Variants in CACNG3 observed in about 807,000 individuals in gnomAD.
CACNG3 encodes the protein voltage-dependent calcium channel gamma-3 subunit.
CACNG3 carries 3 observed loss-of-function variants against 28.5 expected under a neutral mutation model. The ratio of observed to expected loss-of-function variants is 0.11; its 90% CI spans 0.05 to 0.27. The LOEUF is 0.27. CACNG3 is among the 10% of genes least tolerant of loss of function. CACNG3 has a pLI of 1.00. For synonymous variants in CACNG3, 174 were observed against 162.2 expected (o/e 1.07, Z -0.55); for missense variants, 236 against 414.4 (o/e 0.57, Z 3.74).
chr16:24,275,577 G>C (rs901346791), intron 1 of CACNG3, among the ~76,000 whole-genome samples: 1 of 152,168 alleles, frequency 6.6e-6, no homozygotes, highest in African/African-American at 2.4e-5. Flanking sequence ...ATATTTACTT[G>C]AAAGAATGAC....
At chr16:24,271,019 G>A (rs1163135935) in intron 1 of CACNG3, among the ~76,000 whole-genome samples, 3 of 152,162 alleles carry the variant, frequency 2.0e-5, no homozygotes, top group African/African-American at 7.2e-5. Context: ...AAGCAGATCA[G>A]TTTAGGATAG....
intron 1 of CACNG3, among the ~76,000 whole-genome samples, chr16:24,331,950 T>TG (rs1442851244): frequency 2.6e-5 from 4 of 152,150 alleles, no homozygotes; most frequent in African/African-American, 9.6e-5. Flanking sequence ...CCCAATCACA[T>TG]TCTCTCCAGG....
At position 24,299,520 on chromosome 16, in the gene CACNG3, A is replaced by G. The variant is rs535800105; in HGVS notation, c.211+42555A>G. On this transcript the variant is annotated intron_variant, in intron 1 of 3. Transcript: ENST00000005284. ...TGACTGGAGAATGGTATTAGAAACC[A>G]AGATCTGAGTGCTGGGTGTGCTCAT... Among the ~76,000 whole-genome samples, 3 of 152,196 alleles carry G rather than the reference A, an allele frequency of 2.0e-5. No homozygotes were observed. The South Asian group carries it at 6.2e-4, about 32-fold the overall frequency.
Position 24,263,955 on chromosome 16 carries a change from GATT to G in CACNG3, c.211+6991_211+6993del, listed in dbSNP as rs373574534. Among the ~76,000 whole-genome samples, 1,082 of 152,370 alleles carry G rather than the reference GATT, an allele frequency of 7.1e-3. 11 individuals are homozygous for G. Among genetic ancestry groups the G allele is most frequent in the African/African-American group, 0.024 (1,014 of 41,586 alleles). ...AATCATTCATAATGATTGAGTGCTG[GATT>G]GGACACTTGCTTAAGCAGCATGGCT... On this transcript the variant is annotated intron_variant, in intron 1 of 3. Transcript: ENST00000005284.
chr16:24,258,260 C>T (rs146493004), intron 1 of CACNG3, among the ~76,000 whole-genome samples: 2 of 152,332 alleles, frequency 1.3e-5, no homozygotes, highest in Admixed American at 1.3e-4. Flanking sequence ...CATGTCCTGA[C>T]ACTTTGAACA....
intron 1 of CACNG3, among the ~76,000 whole-genome samples, chr16:24,345,559 G>T (rs935373204): frequency 1.3e-5 from 2 of 152,172 alleles, no homozygotes; most frequent in African/African-American, 2.4e-5. Context: ...AATTAGCCGG[G>T]CATGGTGGCA....
chr16:24,293,198 C>G (rs1273342105), intron 1 of CACNG3, among the ~76,000 whole-genome samples: 1 of 152,194 alleles, frequency 6.6e-6, no homozygotes, highest in African/African-American at 2.4e-5. Context: ...TTGGAAGAGC[C>G]AGAAGCTTAG....
At chr16:24,290,687 C>A (rs373127769) in intron 1 of CACNG3, among the ~76,000 whole-genome samples, 2 of 152,280 alleles carry the variant, frequency 1.3e-5, no homozygotes, top group South Asian at 2.1e-4. Context: ...GGTGTACCTA[C>A]CTTGGCCTCC....
At chr16:24,276,046 C>G (rs998898554) in intron 1 of CACNG3, among the ~76,000 whole-genome samples, 4 of 152,260 alleles carry the variant, frequency 2.6e-5, no homozygotes, top group African/African-American at 9.6e-5. Flanking sequence ...AAAAGCTATT[C>G]AAATACTGCT....
intron 1 of CACNG3, among the ~76,000 whole-genome samples, chr16:24,284,496 C>CT (rs2141352631): frequency 6.6e-6 from 1 of 152,188 alleles, no homozygotes; most frequent in African/African-American, 2.4e-5. Context: ...CCAAATCTGT[C>CT]TTTTTTCTTC....
rs1165699005 is a variant in CACNG3 at position 24,265,550 on chromosome 16, G to GTA, written c.211+8595_211+8596dup. Among the ~76,000 whole-genome samples the GTA allele has an allele frequency of 2.4e-4, 36 of 152,016 alleles. 1 individual carries two copies. Among genetic ancestry groups the GTA allele is most frequent in the Admixed American group, 5.2e-4 (8 of 15,262 alleles). ...AAAGCAAGCTAGCTCACTCAGTGGT[G>GTA]TATATATATATTATGATGTGTAGCT... On this transcript the variant is annotated intron_variant, in intron 1 of 3. Transcript: ENST00000005284.
intron 1 of CACNG3, among the ~76,000 whole-genome samples, chr16:24,314,769 TCCA>T (rs1899325137): frequency 7.6e-6 from 1 of 131,380 alleles, no homozygotes; most frequent in African/African-American, 2.8e-5. Flanking sequence ...CTCCTCCTCC[TCCA>T]ACCTCCACCT....
At chr16:24,317,602 G>GAAAGAAAGAAAGAAAGGA (rs1899377414) in intron 1 of CACNG3, among the ~76,000 whole-genome samples, 5 of 62,516 alleles carry the variant, frequency 8.0e-5, no homozygotes, top group African/African-American at 3.0e-4. Context: ...AAGAAAGAAA[G>GAAAGAAAGAAAGAAAGGA]AAAGAAAGAA....
chr16:24,297,738 G>T (rs901107902), intron 1 of CACNG3, among the ~76,000 whole-genome samples: 1 of 152,214 alleles, frequency 6.6e-6, no homozygotes, highest in Non-Finnish European at 1.5e-5. Flanking sequence ...TGGGGAGGGG[G>T]TGCTGTGGGT....
chr16:24,276,429 A>G (rs1898754481), intron 1 of CACNG3, among the ~76,000 whole-genome samples: 2 of 152,244 alleles, frequency 1.3e-5, no homozygotes, highest in Non-Finnish European at 2.9e-5. Flanking sequence ...TCCTAAGACC[A>G]AAAAATTTGA....
At chr16:24,351,433 A>G (rs1003557479) in intron 2 of CACNG3, among the ~76,000 whole-genome samples, 8 of 151,710 alleles carry the variant, frequency 5.3e-5, no homozygotes, top group Non-Finnish European at 1.0e-4. Flanking sequence ...TTAGGGTGGT[A>G]TGGTGGCATG....
At position 24,312,959 on chromosome 16, in the gene CACNG3, A is replaced by AAGAAAGAGAGAG. The variant is rs1555460248; in HGVS notation, c.212-33768_212-33767insGAGAGAGAAAGA. On this transcript the variant is annotated intron_variant, in intron 1 of 3. Transcript: ENST00000005284. Reference sequence around the variant, plus strand: ...AGAAAGAAAGAAAGAAAGAAAGAGAAAGAAAGAAAAGAAAGAAAGAAATAA... The same window carrying AAGAAAGAGAGAG: ...AGAAAGAAAGAAAGAAAGAAAGAGAAAGAAAGAGAGAGAGAAAGAAAAGAAAGAAAGAAATAA... 4.3e-5 allele frequency among the ~76,000 whole-genome samples: 6 copies of AAGAAAGAGAGAG among 139,740 alleles called. 1 individual carries two copies. Among genetic ancestry groups the AAGAAAGAGAGAG allele is most frequent in the South Asian group, 4.7e-4 (2 of 4,296 alleles). The allele number at this position is 139,740 out of a possible 152,430, so 91.7% of individuals were successfully genotyped here.
At chr16:24,356,605 G>A (rs1163934104) in intron 3 of CACNG3, among the ~76,000 whole-genome samples, 2 of 152,146 alleles carry the variant, frequency 1.3e-5, no homozygotes, top group Non-Finnish European at 2.9e-5. Flanking sequence ...AGGAGGCTGA[G>A]GTGGGAGGAT....
chr16:24,333,307 T>G (rs1899656994), intron 1 of CACNG3: 1 of 152,218 alleles, frequency 6.6e-6, no homozygotes, highest in Non-Finnish European at 1.5e-5. Context: ...GAATTATAAT[T>G]TCATTTTCAG....
Sources: gnomAD v4.1 joint callset for allele counts (sites outside exome capture counted in the v4.1 genomes callset) on GRCh38, gnomAD v4.1.1 for gene constraint, MANE v1.5 for transcripts, NCBI Gene and HGNC (gene_info 2026-07-23, HGNC 2026-07-21) for gene names.